Variants in FAM178B observed in about 807,000 individuals in gnomAD.
The protein encoded by FAM178B is protein FAM178B.
FAM178B carries 82 observed loss-of-function variants against 91.7 expected under a neutral mutation model. The ratio of observed to expected loss-of-function variants is 0.89; its 90% confidence interval spans 0.75 to 1.07. The LOEUF (loss-of-function observed/expected upper bound fraction) is 1.07, where lower values mean the gene tolerates loss of function less well. FAM178B is among the 50% of genes least tolerant of loss of function. The probability of loss-of-function intolerance (pLI) is 0.00; values close to 1 mark genes in which losing one functional copy is unlikely to be tolerated. For synonymous variants in FAM178B, 368 were observed against 359.4 expected (o/e 1.02, Z -0.27); for missense variants, 769 against 846.7 (o/e 0.91, Z 1.14).
At chr2:96,886,663 GAC>G (rs1217006713) in intron 14 of FAM178B, among the ~76,000 whole-genome samples, 1 of 152,232 alleles carries the variant, frequency 6.6e-6, no homozygotes, top group Non-Finnish European at 1.5e-5. Flanking sequence ...TCCTGGCAAA[GAC>G]AGGGAAGAAG....
At chr2:96,945,278 C>CA (rs2081804930) in intron 8 of FAM178B, among the ~76,000 whole-genome samples, 1 of 152,044 alleles carries the variant, frequency 6.6e-6, no homozygotes, top group Admixed American at 6.6e-5. Flanking sequence ...CCCCACCCCC[C>CA]ACACACACAC....
chr2:96,894,897 CCTCACCCACA>C (rs926142293), intron 13 of FAM178B, among the ~76,000 whole-genome samples: 7 of 135,352 alleles, frequency 5.2e-5, no homozygotes, highest in Admixed American at 3.0e-4. Context: ...CCCCACAGAC[CCTCACCCACA>C]CTCACCCACA....
intron 8 of FAM178B, among the ~76,000 whole-genome samples, chr2:96,942,130 C>G (rs1403288800): frequency 6.6e-6 from 1 of 152,100 alleles, no homozygotes; most frequent in Non-Finnish European, 1.5e-5. Flanking sequence ...GAATAAAATA[C>G]TTAGGAATAA....
chr2:96,940,753 C>G (rs1447006621), intron 8 of FAM178B, among the ~76,000 whole-genome samples: 2 of 152,124 alleles, frequency 1.3e-5, no homozygotes, highest in East Asian at 3.8e-4. Flanking sequence ...ATTTTACAGG[C>G]ACATATGTAA....
At chr2:96,932,297 C>G (rs1279814456) in intron 8 of FAM178B, among the ~76,000 whole-genome samples, 4 of 152,230 alleles carry the variant, frequency 2.6e-5, no homozygotes, top group Non-Finnish European at 5.9e-5. Flanking sequence ...CCAGCAACTG[C>G]TCCACAGCAC....
chr2:96,915,819 G>A (rs1451125151), intron 12 of FAM178B, among the ~76,000 whole-genome samples: 5 of 149,276 alleles, frequency 3.3e-5, no homozygotes, highest in African/African-American at 9.8e-5. Flanking sequence ...AAAAAAAAAA[G>A]AAAAAGAAAA....
intron 1 of FAM178B, among the ~76,000 whole-genome samples, chr2:96,980,932 T>C (rs753062032): frequency 2.6e-5 from 4 of 152,186 alleles, no homozygotes; most frequent in Non-Finnish European, 5.9e-5. Context: ...TTATATGCGC[T>C]GCAAATATTT....
chr2:96,889,723 C>CAAA lies in FAM178B; in HGVS notation c.1776+4200_1776+4202dup, dbSNP rs112200731. 1.2e-3 allele frequency among the ~76,000 whole-genome samples: 164 copies of CAAA among 135,870 alleles called. 1 individual carries two copies. Among genetic ancestry groups the CAAA allele is most frequent in the African/African-American group, 4.5e-3 (159 of 35,642 alleles). 89.1% of individuals were successfully genotyped at this position (135,870 alleles called of 152,430 possible). The stretch of plus-strand genomic sequence containing the variant: ...AAATAAATAAATAAATAAATAAATA[C>CAAA]AAAAAAAAATAGAGCATCAGTAGAG... On this transcript the variant is annotated intron_variant, in intron 14 of 16. Transcript: ENST00000490605.
intron 14 of FAM178B, among the ~76,000 whole-genome samples, chr2:96,888,584 T>C (rs2080585570): frequency 6.6e-6 from 1 of 152,052 alleles, no homozygotes; most frequent in Non-Finnish European, 1.5e-5. Flanking sequence ...AGCCAGGCCT[T>C]TCTCCACAAC....
At chr2:96,952,716 T>G (rs1254234049) in intron 6 of FAM178B, among the ~76,000 whole-genome samples, 2 of 152,128 alleles carry the variant, frequency 1.3e-5, no homozygotes, top group Non-Finnish European at 2.9e-5. Context: ...GGGTTTGGGG[T>G]AGGATTCTCC....
intron 9 of FAM178B, among the ~76,000 whole-genome samples, chr2:96,924,684 G>A (rs2081405411): frequency 6.6e-6 from 1 of 152,200 alleles, no homozygotes. Context: ...TTGATTTCAA[G>A]TATGTTAAGT....
chr2:96,970,857 G>A (rs988197205), intron 3 of FAM178B, 80 bp from the exon 4 acceptor site: 6 of 992,144 alleles, frequency 6.0e-6, no homozygotes, highest in Non-Finnish European at 9.3e-6. Context: ...ACTAAATTAA[G>A]CCCTTTATTT....
chr2:96,976,151 G>A (rs1433465240), intron 1 of FAM178B, among the ~76,000 whole-genome samples: 1 of 151,060 alleles, frequency 6.6e-6, no homozygotes, highest in Non-Finnish European at 1.5e-5. Context: ...CTGGAGTGCA[G>A]TGGCACAATC....
intron 12 of FAM178B, among the ~76,000 whole-genome samples, chr2:96,908,106 CA>C: frequency 6.6e-6 from 1 of 152,352 alleles, no homozygotes; most frequent in East Asian, 1.9e-4. Context: ...GTGGGAAGAA[CA>C]AGGGGGTGGG....
At chr2:96,883,968 G>A (rs1302787021) in intron 14 of FAM178B, among the ~76,000 whole-genome samples, 1 of 152,212 alleles carries the variant, frequency 6.6e-6, no homozygotes, top group African/African-American at 2.4e-5. Context: ...CAGGACAGAG[G>A]TGTAAGCACA....
rs753237132 is a variant in FAM178B at position 96,877,926 on chromosome 2, G to C, written c.1971C>G (p.Ile657Met). 1.9e-6 allele frequency: 3 copies of C among 1,613,668 alleles called. No homozygotes were observed. Among genetic ancestry groups the C allele is most frequent in the African/African-American group, 2.7e-5 (2 of 74,950 alleles). The change falls in exon 16 of 17, where the codon ATC (isoleucine) becomes ATG (methionine). Residue 657 changes from isoleucine to methionine, a missense_variant. Physicochemically the swap from Ile to Met is conservative, Grantham distance 10 (BLOSUM62 1). Coordinates refer to ENST00000490605, the MANE Select transcript of FAM178B (RefSeq NM_001122646.3). ...MLKDLATQTYIRWQELLTHCQ... is the reference protein window; with the variant it reads ...MLKDLATQTYMRWQELLTHCQ... ...AGTGGGTCAGCAGCTCCTGCCAACG[G>C]ATGTAGGTCTGGGTAGCCAGGTCCT...
intron 12 of FAM178B, among the ~76,000 whole-genome samples, chr2:96,908,941 G>C (rs1051964479): frequency 6.6e-6 from 1 of 151,922 alleles, no homozygotes; most frequent in Non-Finnish European, 1.5e-5. Context: ...AGGTCAGTTC[G>C]AGACCAGTCT....
intron 1 of FAM178B, among the ~76,000 whole-genome samples, chr2:96,974,254 C>T (rs570199837): frequency 5.3e-5 from 8 of 151,036 alleles, no homozygotes; most frequent in South Asian, 2.1e-4. Flanking sequence ...TGGTGGTGGA[C>T]GCCTGTAGTC....
chr2:96,908,988 C>A (rs1000336591), intron 12 of FAM178B, among the ~76,000 whole-genome samples: 8 of 151,708 alleles, frequency 5.3e-5, no homozygotes, highest in Non-Finnish European at 1.2e-4. Flanking sequence ...ACTAAAAATA[C>A]AAAAATTAGC....
Sources: allele counts gnomAD v4.1 joint callset (sites outside exome capture counted in the v4.1 genomes callset), GRCh38; gene constraint gnomAD v4.1.1; transcripts MANE v1.5; gene names NCBI Gene and HGNC (gene_info 2026-07-23, HGNC 2026-07-21).